The following MYMX variants were observed in gnomAD, a reference collection of about 807,000 sequenced individuals.
The protein encoded by MYMX is myomixer, myoblast fusion factor.
At chr6:44,208,779 C>T in the MYMX span, among the ~76,000 whole-genome samples, 4 of 152,210 alleles carry the variant, frequency 2.6e-5, no homozygotes, top group Admixed American at 2.0e-4. Flanking sequence ...CAGAACTCTG[C>T]AGTCAAGCTC....
chr6:44,194,099 C>A, the MYMX span, among the ~76,000 whole-genome samples: 7 of 152,102 alleles, frequency 4.6e-5, no homozygotes, highest in Non-Finnish European at 7.4e-5. Flanking sequence ...ATTTTCTGTT[C>A]TTTGATATAT....
At chr6:44,207,139 T>TA in the MYMX span, among the ~76,000 whole-genome samples, 2 of 152,130 alleles carry the variant, frequency 1.3e-5, no homozygotes, top group Non-Finnish European at 2.9e-5. Context: ...ACACTATCCT[T>TA]AACTGCCTGT....
At chr6:44,215,044 T>C (rs531712948), upstream of MYMX, among the ~76,000 whole-genome samples, 145 of 152,192 alleles carry the variant, frequency 9.5e-4, no homozygotes, top group Non-Finnish European at 1.3e-3. Context: ...GCTCCTCTCT[T>C]CTGCTTCCTT....
the MYMX span, among the ~76,000 whole-genome samples, chr6:44,197,058 T>C: frequency 0.54 from 81,903 of 151,918 alleles, 22,215 homozygotes; most frequent in Middle Eastern, 0.62. Flanking sequence ...AGTTCAAGAC[T>C]AGCCTGACCA....
the MYMX span, among the ~76,000 whole-genome samples, chr6:44,202,618 G>C: frequency 3.1e-4 from 47 of 152,016 alleles, no homozygotes; most frequent in African/African-American, 1.1e-3. Flanking sequence ...ATTTTTCCAG[G>C]AATGCTGAGG....
the MYMX span, among the ~76,000 whole-genome samples, chr6:44,201,196 A>G: frequency 6.6e-5 from 10 of 152,320 alleles, no homozygotes; most frequent in Admixed American, 2.6e-4. Context: ...GGTCACATTC[A>G]GGCCCTAGCT....
chr6:44,203,150 C>G, the MYMX span, among the ~76,000 whole-genome samples: 2 of 152,172 alleles, frequency 1.3e-5, no homozygotes, highest in Non-Finnish European at 2.9e-5. Flanking sequence ...TCAGGGCCTG[C>G]CGTTCCTCCC....
At chr6:44,214,338 G>A (rs1775751274), upstream of MYMX, among the ~76,000 whole-genome samples, 1 of 152,196 alleles carries the variant, frequency 6.6e-6, no homozygotes, top group Admixed American at 6.5e-5. Flanking sequence ...ATCTATAATA[G>A]GAAGAGAGGA....
At chr6:44,214,873 A>G (rs901583301), upstream of MYMX, among the ~76,000 whole-genome samples, 4 of 152,106 alleles carry the variant, frequency 2.6e-5, no homozygotes, top group African/African-American at 9.7e-5. Context: ...ATGTCTGGCT[A>G]GTGGTGAGAA....
the MYMX span, among the ~76,000 whole-genome samples, chr6:44,211,271 A>G: frequency 6.6e-6 from 1 of 152,240 alleles, no homozygotes; most frequent in East Asian, 1.9e-4. Flanking sequence ...ATTTTAATTA[A>G]TATGTGTAGT....
the MYMX span, among the ~76,000 whole-genome samples, chr6:44,202,645 T>C: frequency 2.0e-5 from 3 of 152,072 alleles, no homozygotes; most frequent in East Asian, 1.9e-4. Context: ...ACAGCAGCTT[T>C]AGTGTTCCCG....
the MYMX span, chr6:44,209,670 T>G: frequency 2.0e-5 from 3 of 152,186 alleles, no homozygotes; most frequent in African/African-American, 7.2e-5. Flanking sequence ...TCCCATCACT[T>G]TGGGAGGCCA....
chr6:44,206,356 G>A, the MYMX span, among the ~76,000 whole-genome samples: 2 of 151,788 alleles, frequency 1.3e-5, no homozygotes, highest in African/African-American at 4.8e-5. Context: ...CTCAGCCTCG[G>A]GTAGCTGGGA....
chr6:44,215,526 T>G (rs1199964354), upstream of MYMX, among the ~76,000 whole-genome samples: 1 of 152,138 alleles, frequency 6.6e-6, no homozygotes, highest in Non-Finnish European at 1.5e-5. Context: ...TGAGACATGA[T>G]CATGCCATGG....
At position 44,217,284 on chromosome 6, in the gene MYMX, C is replaced by T. The variant is rs375592821; in HGVS notation, c.-22-166C>T. ...GGTGAGAACCTTCCTGCCTCAGCTGCCTTGCCAAGAGAAAGGGCTTCATGA... is the reference window on the plus strand; with the variant it reads ...GGTGAGAACCTTCCTGCCTCAGCTGTCTTGCCAAGAGAAAGGGCTTCATGA... On this transcript the variant is annotated intron_variant, in intron 1 of 1. Transcript: ENST00000573382. 1.4e-3 allele frequency among the ~76,000 whole-genome samples: 207 copies of T among 152,224 alleles called. 2 individuals carry two copies. The South Asian group carries it at 0.027, about 20-fold the overall frequency.
At chr6:44,196,479 GAC>G in the MYMX span, among the ~76,000 whole-genome samples, 4 of 151,892 alleles carry the variant, frequency 2.6e-5, no homozygotes, top group South Asian at 2.1e-4. Flanking sequence ...AGGAGTTTGA[GAC>G]CAGCCTGGCC....
chr6:44,195,368 C>G, the MYMX span, among the ~76,000 whole-genome samples: 1 of 152,154 alleles, frequency 6.6e-6, no homozygotes, highest in Admixed American at 6.6e-5. Flanking sequence ...CAGCTATAGT[C>G]TCCTCCTGTC....
At chr6:44,196,865 G>A in the MYMX span, among the ~76,000 whole-genome samples, 5 of 152,234 alleles carry the variant, frequency 3.3e-5, no homozygotes, top group African/African-American at 1.2e-4. Flanking sequence ...GGCTGAGGCA[G>A]AAGAATCGCT....
chr6:44,200,857 G>C, the MYMX span, among the ~76,000 whole-genome samples: 1 of 152,118 alleles, frequency 6.6e-6, no homozygotes, highest in South Asian at 2.1e-4. Context: ...TCAGCTGAGT[G>C]GGGGGTGGGG....
Sources: allele counts gnomAD v4.1 joint callset (sites outside exome capture counted in the v4.1 genomes callset), GRCh38; gene constraint gnomAD v4.1.1; transcripts MANE v1.5; gene names NCBI Gene and HGNC (gene_info 2026-07-23, HGNC 2026-07-21).